CTNND2: variants seen among roughly 807,000 people sequenced by gnomAD.
CTNND2 encodes catenin delta 2.
CTNND2 carries 22 observed loss-of-function variants against 144.4 expected under a neutral mutation model. That is an observed-to-expected ratio of 0.15 (90% CI 0.11 to 0.22). CTNND2 has a LOEUF of 0.22. Ranked by LOEUF, CTNND2 falls within the 10% of genes least tolerant of loss-of-function variation. The pLI, the probability that CTNND2 is intolerant of heterozygous loss-of-function variation, is 1.00. For synonymous variants in CTNND2, 751 were observed against 695.6 expected, an observed-to-expected ratio of 1.08 and a Z score of -1.25; for missense variants, 1,353 against 1,618.8, an observed-to-expected ratio of 0.84 and a Z score of 2.82.
chr5:11,575,521 C>A (rs1777909632), intron 2 of CTNND2, among the ~76,000 whole-genome samples: 1 of 152,034 alleles, frequency 6.6e-6, no homozygotes, highest in East Asian at 1.9e-4. Flanking sequence ...GTATAACTAA[C>A]CCGTTTTAGG....
chr5:11,382,595 C>CTGTGTGTGTGTGTG lies in CTNND2; in HGVS notation c.1177+2056_1177+2069dup, dbSNP rs71582432. 1.7e-3 allele frequency among the ~76,000 whole-genome samples: 219 copies of CTGTGTGTGTGTGTG among 130,190 alleles called. 3 individuals are homozygous for CTGTGTGTGTGTGTG. The highest frequency in any genetic ancestry group is 5.4e-3 in the African/African-American group (178 of 33,086). 85.4% of individuals were successfully genotyped at this position (130,190 alleles called of 152,430 possible). On this transcript the variant is annotated intron_variant, in intron 7 of 21. Coordinates refer to ENST00000304623, the MANE Select transcript of CTNND2 (RefSeq NM_001332.4). ...CCTGGGCAACCGACAGAGTGAGACT[C>CTGTGTGTGTGTGTG]TGTGTGTGTGTGTGTGTGTGTGTGT...
intron 3 of CTNND2, among the ~76,000 whole-genome samples, chr5:11,445,603 C>T (rs1764728059): frequency 6.6e-6 from 1 of 152,174 alleles, no homozygotes; most frequent in African/African-American, 2.4e-5. Flanking sequence ...GGATTTCCAC[C>T]TTGGAAATAT....
At chr5:11,204,816 T>A (rs890489542) in intron 10 of CTNND2, among the ~76,000 whole-genome samples, 4 of 149,938 alleles carry the variant, frequency 2.7e-5, no homozygotes, top group Admixed American at 1.3e-4. Context: ...TGTCTTTATT[T>A]AAAAAAAAAA....
chr5:10,997,256 C>T (rs892325824), intron 18 of CTNND2, among the ~76,000 whole-genome samples: 5 of 152,098 alleles, frequency 3.3e-5, no homozygotes, highest in African/African-American at 1.2e-4. Context: ...GAAGATATTT[C>T]AACAATGTAT....
intron 8 of CTNND2, among the ~76,000 whole-genome samples, 180 bp from the exon 9 acceptor site, chr5:11,346,807 A>G (rs1754840401): frequency 6.6e-6 from 1 of 152,248 alleles, no homozygotes; most frequent in African/African-American, 2.4e-5. Flanking sequence ...GTCAAATGAT[A>G]ATTAGCATGC....
chr5:11,796,239 A>G (rs1006073775), intron 1 of CTNND2, among the ~76,000 whole-genome samples: 4 of 152,184 alleles, frequency 2.6e-5, no homozygotes, highest in Admixed American at 1.3e-4. Flanking sequence ...CTCACCGTGC[A>G]ATGTCACATG....
At chr5:11,668,617 A>G (rs1243261917) in intron 2 of CTNND2, among the ~76,000 whole-genome samples, 2 of 152,192 alleles carry the variant, frequency 1.3e-5, no homozygotes, top group Non-Finnish European at 1.5e-5. Context: ...TTGATTTTGT[A>G]TCCTGAGACT....
chr5:11,586,489 A>C (rs559840683), intron 2 of CTNND2, among the ~76,000 whole-genome samples: 1 of 152,360 alleles, frequency 6.6e-6, no homozygotes, highest in Admixed American at 6.5e-5. Context: ...ACTCTAAATC[A>C]GAATTCACAC....
intron 1 of CTNND2, among the ~76,000 whole-genome samples, chr5:11,890,114 A>G (rs1450930760): frequency 6.6e-6 from 1 of 152,190 alleles, no homozygotes; most frequent in Non-Finnish European, 1.5e-5. Flanking sequence ...AGTAGCCTGA[A>G]AATTCCCATC....
intron 12 of CTNND2, among the ~76,000 whole-genome samples, chr5:11,129,310 A>AAATATATATAATG (rs1461973261): frequency 5.3e-5 from 4 of 75,818 alleles, no homozygotes; most frequent in African/African-American, 3.2e-4. Flanking sequence ...TATTATATAT[A>AAATATATATAATG]TAAATATATA....
chr5:11,110,731 G>T, intron 14 of CTNND2, 127 bp downstream of exon 14: 1 of 847,590 alleles, frequency 1.2e-6, no homozygotes. Flanking sequence ...CAGGAAAATT[G>T]TGCAGATGCA....
intron 1 of CTNND2, among the ~76,000 whole-genome samples, chr5:11,759,691 G>T (rs1186323433): frequency 6.6e-6 from 1 of 152,104 alleles, no homozygotes; most frequent in Non-Finnish European, 1.5e-5. Context: ...CTAAGTTAAA[G>T]AGAAATTTTT....
intron 8 of CTNND2, among the ~76,000 whole-genome samples, chr5:11,349,070 T>C (rs1198208250): frequency 2.0e-5 from 3 of 152,148 alleles, no homozygotes; most frequent in African/African-American, 7.2e-5. Flanking sequence ...CTGGACAGAT[T>C]TACCGAGCTC....
chr5:11,122,265 A>G (rs1754220634), intron 12 of CTNND2, among the ~76,000 whole-genome samples: 2 of 152,216 alleles, frequency 1.3e-5, no homozygotes, highest in South Asian at 4.2e-4. Context: ...AAAAAATAGA[A>G]GATGCAATTG....
At chr5:11,483,328 A>G (rs1400179615) in intron 3 of CTNND2, among the ~76,000 whole-genome samples, 1 of 152,102 alleles carries the variant, frequency 6.6e-6, no homozygotes, top group Non-Finnish European at 1.5e-5. Context: ...GCGGTGGGTG[A>G]GGTTGAAAGT....
At chr5:11,188,958 C>T (rs1735962437) in intron 11 of CTNND2, among the ~76,000 whole-genome samples, 1 of 152,202 alleles carries the variant, frequency 6.6e-6, no homozygotes, top group Admixed American at 6.5e-5. Flanking sequence ...TTCTTCACAG[C>T]ACTTGTCACA....
In CTNND2 at chr5:11,470,980, A is replaced by ATATATATATATATAT. The variant is rs1219093645; in HGVS notation, c.288-58912_288-58911insATATATATATATATA. On this transcript the variant is annotated intron_variant, in intron 3 of 21. Coordinates refer to ENST00000304623, the MANE Select transcript of CTNND2 (RefSeq NM_001332.4). ...TATATATATATATATATATATATAT[A>ATATATATATATATAT]TTTTTTTTTTTTTTTTAGATGGAGT... is the stretch of plus-strand genomic sequence containing the variant. Among the ~76,000 whole-genome samples the ATATATATATATATAT allele has an allele frequency of 1.1e-3, 97 of 91,494 alleles. 1 individual carries two copies. The highest frequency in any genetic ancestry group is 3.6e-3 in the African/African-American group (63 of 17,372). 60.0% of individuals were successfully genotyped at this position (91,494 alleles called of 152,430 possible).
rs142778799 is a variant in CTNND2 at position 11,578,322 on chromosome 5, A to G, written c.175-13266T>C. On this transcript the variant is annotated intron_variant, in intron 2 of 21. Coordinates refer to ENST00000304623, the MANE Select transcript of CTNND2 (RefSeq NM_001332.4). ...GTTACTCTATTTTATCTTCACAATG[A>G]CCCAATGATTGATTTAGGGTATAAA... is the stretch of plus-strand genomic sequence containing the variant. 6.1e-3 allele frequency among the ~76,000 whole-genome samples: 929 copies of G among 152,256 alleles called. 8 individuals carry two copies. The highest frequency in any genetic ancestry group is 0.021 in the African/African-American group (868 of 41,540).
chr5:11,904,025 G>A lies in CTNND2; in HGVS notation c.-172C>T. ...GGCGGCAGGGGCGAGCGCCGCGGGC[G>A]AGAGGCGGCTCCCGACGCGAGTGCG... On this transcript the variant is annotated 5_prime_UTR_variant, in exon 1 of 22. Coordinates refer to ENST00000304623, the MANE Select transcript of CTNND2 (RefSeq NM_001332.4). The surrounding 1 kb of genome is among the most constrained non-coding windows in gnomAD (Gnocchi z 4.2). The A allele has an allele frequency of 6.4e-6, 4 of 627,494 alleles. No individual in the cohort carries two copies. Among genetic ancestry groups the A allele is most frequent in the Non-Finnish European group, 8.8e-6 (4 of 454,916 alleles). The allele number at this position is 627,494 out of a possible 1,614,324, so 38.9% of individuals were successfully genotyped here.
Sources: allele counts gnomAD v4.1 joint callset (sites outside exome capture counted in the v4.1 genomes callset), GRCh38; gene constraint gnomAD v4.1.1; non-coding constraint Gnocchi (gnomAD v3.1); transcripts MANE v1.5; gene names NCBI Gene and HGNC (gene_info 2026-07-23, HGNC 2026-07-21).